RAD51AP2: variants seen among roughly 807,000 people sequenced by gnomAD.
RAD51AP2 encodes the protein RAD51 associated protein 2.
A neutral mutation model predicts 85.5 loss-of-function variants in RAD51AP2; 67 were observed. The observed-to-expected ratio is 0.78, with a 90% CI of 0.64 to 0.96. The LOEUF (loss-of-function observed/expected upper bound fraction) is 0.96, where lower values mean the gene tolerates loss of function less well. Ranked by LOEUF, RAD51AP2 falls within the 40% of genes least tolerant of loss-of-function variation. The pLI, the probability that RAD51AP2 is intolerant of heterozygous loss-of-function variation, is 0.00. For synonymous variants in RAD51AP2, 474 were observed against 446.5 expected (o/e 1.06, Z -0.78); for missense variants, 1,307 against 1,332.4 (o/e 0.98, Z 0.30).
the RAD51AP2 span, among the ~76,000 whole-genome samples, chr2:17,524,005 G>T: frequency 2.0e-5 from 3 of 151,932 alleles, no homozygotes; most frequent in African/African-American, 7.2e-5. Context: ...GATGCTGAAT[G>T]AAATATTTTG....
chr2:17,515,637 T>A lies in RAD51AP2; in HGVS notation c.2779A>T (p.Ile927Phe). The A allele has an allele frequency of 3.1e-6, 5 of 1,612,390 alleles. No individual in the cohort carries two copies. Among genetic ancestry groups the A allele is most frequent in the Non-Finnish European group, 4.2e-6 (5 of 1,179,446 alleles). The change falls in exon 1 of 3, where the codon ATT becomes TTT. Residue 927 changes from isoleucine to phenylalanine, a missense_variant. Around this residue, in one of 3 missense-constraint regions of RAD51AP2, gnomAD observed 668 missense variants for 671.0 expected, o/e 1.00. Coordinates refer to ENST00000399080, the MANE Select transcript of RAD51AP2 (RefSeq NM_001099218.3). Reference sequence around the variant, plus strand: ...AGACCAGTTTCAAATTGATGATTAATATATAATGCAGAGTCATTCTTTCTG... The same window carrying A: ...AGACCAGTTTCAAATTGATGATTAAAATATAATGCAGAGTCATTCTTTCTG... ...FHRKNDSALY[I>F]NHQFETGLSE... is the part of the protein sequence containing the mutation.
At chr2:17,525,737 C>G in the RAD51AP2 span, among the ~76,000 whole-genome samples, 1 of 152,034 alleles carries the variant, frequency 6.6e-6, no homozygotes, top group Admixed American at 6.6e-5. Flanking sequence ...CCCACAATTT[C>G]TGGAGACCAC....
At chr2:17,536,981 T>G in the RAD51AP2 span, among the ~76,000 whole-genome samples, 79 of 152,310 alleles carry the variant, frequency 5.2e-4, no homozygotes, top group Admixed American at 1.6e-3. Flanking sequence ...AGGGAAGTTA[T>G]TTTATTTTGT....
At chr2:17,511,291 G>T (rs1436265148) in intron 2 of RAD51AP2, among the ~76,000 whole-genome samples, 1 of 152,090 alleles carries the variant, frequency 6.6e-6, no homozygotes, top group Non-Finnish European at 1.5e-5. Flanking sequence ...TTAAACACCA[G>T]GTCATTTTTT....
In RAD51AP2 at chr2:17,510,745, A is replaced by G; in HGVS notation, c.*59T>C. ...CCCCAAACCCCCAAGCTGGAAGAAC[A>G]TATATCCAAAGAAAACAAAACATTT... On this transcript the variant is annotated 3_prime_UTR_variant, in exon 3 of 3. Coordinates refer to ENST00000399080, the MANE Select transcript of RAD51AP2 (RefSeq NM_001099218.3). The G allele has an allele frequency of 8.0e-7, 1 of 1,249,318 alleles. No individual in the cohort carries two copies. Among genetic ancestry groups the G allele is most frequent in the Non-Finnish European group, 1.1e-6 (1 of 918,904 alleles). The allele number at this position is 1,249,318 out of a possible 1,614,324, so 77.4% of individuals were successfully genotyped here. A position where few individuals can be genotyped will look rare whatever the true frequency, so the allele number is the denominator to read the frequency against.
chr2:17,534,818 T>C, the RAD51AP2 span, among the ~76,000 whole-genome samples: 1 of 152,200 alleles, frequency 6.6e-6, no homozygotes, highest in African/African-American at 2.4e-5. Flanking sequence ...TTAAATACTT[T>C]GTGGATTATT....
rs1220093795 is a variant in RAD51AP2 at position 17,518,370 on chromosome 2, G to C, written c.46C>G (p.Pro16Ala). ...TCAGGAGGCGTTAAAGAGGAGGTAG[G>C]CTTTCTGAGCTCGGCCATCCGCGGC... Reference protein sequence around the residue: ...PTPRMAELRKPTSSLTPPEDP... With the variant: ...PTPRMAELRKATSSLTPPEDP... Residue 16 changes from proline to alanine, a missense_variant, in exon 1 of 3, where the codon CCT (proline) becomes GCT (alanine). Physicochemically the swap from Pro to Ala is conservative, Grantham distance 27 (BLOSUM62 -1). Coordinates refer to ENST00000399080, the MANE Select transcript of RAD51AP2 (RefSeq NM_001099218.3). 2 of 1,613,368 alleles carry C rather than the reference G, an allele frequency of 1.2e-6. No homozygotes were observed. Among genetic ancestry groups the C allele is most frequent in the Non-Finnish European group, 1.7e-6 (2 of 1,179,826 alleles).
upstream of RAD51AP2, chr2:17,518,581 TC>T: frequency 1.4e-6 from 1 of 694,256 alleles, no homozygotes; most frequent in Non-Finnish European, 2.1e-6. Context: ...AGCCCCAGCC[TC>T]AGCCCCGCCC....
At chr2:17,536,088 T>G in the RAD51AP2 span, among the ~76,000 whole-genome samples, 1 of 152,126 alleles carries the variant, frequency 6.6e-6, no homozygotes, top group Admixed American at 6.5e-5. Context: ...CTGTTCGTAT[T>G]TTCTCTTAAC....
At chr2:17,528,520 A>G in the RAD51AP2 span, among the ~76,000 whole-genome samples, 1 of 152,172 alleles carries the variant, frequency 6.6e-6, no homozygotes, top group Non-Finnish European at 1.5e-5. Flanking sequence ...GATCAGTTTC[A>G]GGGAAGCTAC....
At chr2:17,519,198 T>C (rs997444020), upstream of RAD51AP2, among the ~76,000 whole-genome samples, 2 of 152,080 alleles carry the variant, frequency 1.3e-5, no homozygotes, top group East Asian at 1.9e-4. Context: ...AACTACCCCA[T>C]TTAGTGTAAA....
rs372153388 is a variant in RAD51AP2, at chr2:17,517,422, G to C, written c.994C>G (p.Pro332Ala). The change falls in exon 1 of 3, where the codon CCA becomes GCA. Residue 332 changes from proline (P) to alanine (A), a missense_variant. Around this residue, in one of 3 missense-constraint regions of RAD51AP2, gnomAD observed 635 missense variants for 643.6 expected, o/e 0.99. Transcript: ENST00000399080. ...CAAGTATTTTGGCTACTGAGTGATG[G>C]GTAGTCATTTTCATAACATTTGGAA... ...IFSKCYENDY[P>A]SLSSQNTCKR... 1 of 1,613,338 alleles carries C rather than the reference G, an allele frequency of 6.2e-7. No individual in the cohort carries two copies. Among genetic ancestry groups the C allele is most frequent in the African/African-American group, 1.3e-5 (1 of 74,850 alleles).
the RAD51AP2 span, among the ~76,000 whole-genome samples, chr2:17,529,258 AAAAT>A: frequency 6.3e-4 from 94 of 149,776 alleles, no homozygotes; most frequent in Admixed American, 8.7e-4. Context: ...CTAATAATAA[AAAAT>A]AAATAAATAA....
rs374450015 is a variant in RAD51AP2 at position 17,515,622 on chromosome 2, C to T, written c.2794G>A (p.Glu932Lys). ...DSALYINHQF[E>K]TGLSEGNDEC... ...TCATTCCCTTCACTCAGACCAGTTT[C>T]AAATTGATGATTAATATATAATGCA... is the stretch of plus-strand genomic sequence containing the variant. Residue 932 changes from glutamate (E) to lysine (K), a missense_variant, in exon 1 of 3, where the codon GAA (glutamate) becomes AAA (lysine). Physicochemically the swap from Glu to Lys is moderately conservative, Grantham distance 56. Transcript: ENST00000399080. 1.3e-4 allele frequency: 207 copies of T among 1,611,912 alleles called. No individual in the cohort carries two copies. In the Middle Eastern group the frequency reaches 1.3e-3, roughly 10 times the overall value.
At chr2:17,512,453 A>ATT (rs1662519446) in intron 2 of RAD51AP2, among the ~76,000 whole-genome samples, 1 of 152,200 alleles carries the variant, frequency 6.6e-6, no homozygotes, top group Non-Finnish European at 1.5e-5. Flanking sequence ...TTCTGGCTGA[A>ATT]TTCATACATT....
chr2:17,529,069 A>T, the RAD51AP2 span, among the ~76,000 whole-genome samples: 3 of 152,046 alleles, frequency 2.0e-5, no homozygotes, highest in Non-Finnish European at 4.4e-5. Context: ...CATCAATCTA[A>T]TCATGTTATA....
At chr2:17,526,983 T>C in the RAD51AP2 span, among the ~76,000 whole-genome samples, 1 of 152,208 alleles carries the variant, frequency 6.6e-6, no homozygotes, top group Non-Finnish European at 1.5e-5. Context: ...TTTTTTTCTG[T>C]TGCTTTGAGG....
intron 2 of RAD51AP2, among the ~76,000 whole-genome samples, chr2:17,511,468 T>C (rs1488421736): frequency 6.6e-6 from 1 of 152,214 alleles, no homozygotes; most frequent in Non-Finnish European, 1.5e-5. Flanking sequence ...TTTTCGAAGA[T>C]GTCCAAAACA....
the RAD51AP2 span, among the ~76,000 whole-genome samples, chr2:17,528,581 G>A: frequency 6.6e-6 from 1 of 152,282 alleles, no homozygotes; most frequent in African/African-American, 2.4e-5. Flanking sequence ...GGTGGTTCAC[G>A]CCTCTAATAC....
Sources: gnomAD v4.1 joint callset for allele counts (sites outside exome capture counted in the v4.1 genomes callset) on GRCh38, gnomAD v4.1.1 for gene constraint, gnomAD v4.1.1 regional missense constraint, MANE v1.5 for transcripts, NCBI Gene and HGNC (gene_info 2026-07-23, HGNC 2026-07-21) for gene names.